The following CHSY3 variants were observed in gnomAD, a reference collection of about 807,000 sequenced individuals.
CHSY3 encodes chondroitin sulfate synthase 3.
Under a neutral mutation model 67.2 loss-of-function variants are expected in CHSY3, and 35 were observed. The observed-to-expected ratio is 0.52, with a 90% CI of 0.40 to 0.69. CHSY3 has a LOEUF of 0.69. CHSY3 is among the 30% of genes least tolerant of loss of function. CHSY3 has a pLI of 0.00. For missense variants in CHSY3, 1,069 were observed against 1,138.5 expected, an observed-to-expected ratio of 0.94 and a Z score of 0.88; for synonymous variants, 474 against 434.7, an observed-to-expected ratio of 1.09 and a Z score of -1.12.
At chr5:129,980,658 G>C (rs561891375) in intron 2 of CHSY3, among the ~76,000 whole-genome samples, 1 of 152,164 alleles carries the variant, frequency 6.6e-6, no homozygotes, top group African/African-American at 2.4e-5. Flanking sequence ...TTTATTGATT[G>C]TGTCTCTACT....
intron 2 of CHSY3, among the ~76,000 whole-genome samples, chr5:129,910,675 T>C (rs1259081191): frequency 6.6e-6 from 1 of 152,036 alleles, no homozygotes; most frequent in African/African-American, 2.4e-5. Context: ...CCTAAGTACG[T>C]AACTTGGGGC....
chr5:130,133,352 C>T (rs377618789), intron 2 of CHSY3, among the ~76,000 whole-genome samples: 5 of 152,202 alleles, frequency 3.3e-5, no homozygotes, highest in African/African-American at 4.8e-5. Flanking sequence ...TCATGACTAC[C>T]GGGTAGCCAT....
Position 129,990,377 on chromosome 5 carries a change from A to AGTGTGTGTGT in CHSY3, c.1086+82036_1086+82045dup, listed in dbSNP as rs34958818. ...GGGGCTGAAGTGGTGTGAGTGAGTG[A>AGTGTGTGTGT]GTGTGTGTGTGTGTGTGTGTGTGTG... On this transcript the variant is annotated intron_variant, in intron 2 of 2. Coordinates refer to ENST00000305031, the MANE Select transcript of CHSY3 (RefSeq NM_175856.5). 2.9e-3 allele frequency among the ~76,000 whole-genome samples: 428 copies of AGTGTGTGTGT among 147,570 alleles called. 1 individual carries two copies. The highest frequency in any genetic ancestry group is 9.8e-3 in the African/African-American group (394 of 40,040).
intron 2 of CHSY3, among the ~76,000 whole-genome samples, chr5:130,172,325 C>CTTTTCT (rs776751634): frequency 3.3e-5 from 1 of 30,206 alleles, no homozygotes; most frequent in African/African-American, 5.6e-5. Context: ...CTTTTCTTTT[C>CTTTTCT]TTTTTTTTTT....
At chr5:129,966,080 T>G (rs1762460953) in intron 2 of CHSY3, among the ~76,000 whole-genome samples, 1 of 151,880 alleles carries the variant, frequency 6.6e-6, no homozygotes, top group Admixed American at 6.6e-5. Flanking sequence ...ATAGTCTGTA[T>G]TTGTATTATA....
intron 2 of CHSY3, among the ~76,000 whole-genome samples, chr5:130,146,298 C>T (rs1769072300): frequency 6.6e-6 from 1 of 152,008 alleles, no homozygotes; most frequent in African/African-American, 2.4e-5. Flanking sequence ...TTCATTTTGC[C>T]AGGTGATGGT....
intron 2 of CHSY3, among the ~76,000 whole-genome samples, chr5:130,129,281 G>T (rs151333840): frequency 3.9e-5 from 6 of 152,122 alleles, no homozygotes; most frequent in Non-Finnish European, 8.8e-5. Flanking sequence ...ATGTGGAATT[G>T]CTCTAAAAGG....
chr5:130,128,256 G>A (rs1025710509), intron 2 of CHSY3, among the ~76,000 whole-genome samples: 3 of 151,438 alleles, frequency 2.0e-5, no homozygotes, highest in African/African-American at 2.4e-5. Flanking sequence ...GTGTGTGTGC[G>A]CTCACATGCT....
Position 129,904,654 on chromosome 5 carries a change from G to A in CHSY3, c.-176G>A. 1 of 1,042,120 alleles carries A rather than the reference G, an allele frequency of 9.6e-7. No homozygotes were observed. Among genetic ancestry groups the A allele is most frequent in the Non-Finnish European group, 1.2e-6 (1 of 823,816 alleles). 64.6% of individuals were successfully genotyped at this position (1,042,120 alleles called of 1,614,324 possible). On this transcript the variant is annotated 5_prime_UTR_variant, in exon 1 of 3. Coordinates refer to ENST00000305031, the MANE Select transcript of CHSY3 (RefSeq NM_175856.5). ...AGCGGGAGCCCGGCAGGCAGCTGCA[G>A]CCCGCGGCAGTCGAGGCGTCCGCGG... is the stretch of plus-strand genomic sequence containing the variant.
intron 2 of CHSY3, among the ~76,000 whole-genome samples, chr5:129,913,435 T>G (rs1760633896): frequency 6.6e-6 from 1 of 152,228 alleles, no homozygotes; most frequent in Admixed American, 6.5e-5. Flanking sequence ...TAAAATTGTA[T>G]ATCATATAAC....
At chr5:129,953,696 A>C (rs1408630865) in intron 2 of CHSY3, among the ~76,000 whole-genome samples, 1 of 152,060 alleles carries the variant, frequency 6.6e-6, no homozygotes, top group Non-Finnish European at 1.5e-5. Flanking sequence ...ATGGTACCTC[A>C]TTGTGGTTTT....
At chr5:130,136,108 AATCCAGAAGAGGTT>A (rs1037555358) in intron 2 of CHSY3, among the ~76,000 whole-genome samples, 2 of 152,206 alleles carry the variant, frequency 1.3e-5, no homozygotes, top group African/African-American at 4.8e-5. Flanking sequence ...ATACAGTGGA[AATCCAGAAGAGGTT>A]ATCTACCATA....
chr5:130,162,057 A>AAAAAAAAAAG (rs1554087189), intron 2 of CHSY3, among the ~76,000 whole-genome samples: 10 of 122,978 alleles, frequency 8.1e-5, no homozygotes, highest in Non-Finnish European at 1.2e-4. Flanking sequence ...AAAAAAAAAA[A>AAAAAAAAAAG]AAAGAAAGAA....
intron 2 of CHSY3, among the ~76,000 whole-genome samples, chr5:130,019,728 A>G (rs532496570): frequency 6.6e-6 from 1 of 152,364 alleles, no homozygotes; most frequent in East Asian, 1.9e-4. Context: ...AGAAAATTTT[A>G]TAAATTTCTT....
intron 2 of CHSY3, among the ~76,000 whole-genome samples, chr5:130,082,543 AAG>A (rs1264973637): frequency 2.0e-5 from 3 of 152,038 alleles, no homozygotes; most frequent in Admixed American, 6.6e-5. Context: ...ATATTATTGC[AAG>A]AGTTTATCTG....
chr5:130,078,755 T>C (rs1766352579), intron 2 of CHSY3, among the ~76,000 whole-genome samples: 1 of 152,144 alleles, frequency 6.6e-6, no homozygotes, highest in Admixed American at 6.6e-5. Context: ...CCTTATTCTT[T>C]TGCTCAGTGC....
At chr5:130,174,946 T>C (rs1770000261) in intron 2 of CHSY3, among the ~76,000 whole-genome samples, 1 of 152,098 alleles carries the variant, frequency 6.6e-6, no homozygotes, top group South Asian at 2.1e-4. Context: ...CAATGAGACA[T>C]ACATGGAAAA....
At chr5:130,032,422 C>A (rs966938487) in intron 2 of CHSY3, among the ~76,000 whole-genome samples, 1 of 152,106 alleles carries the variant, frequency 6.6e-6, no homozygotes, top group Non-Finnish European at 1.5e-5. Context: ...GGCAGAGACA[C>A]ATTATAAAGG....
intron 2 of CHSY3, among the ~76,000 whole-genome samples, chr5:130,033,012 G>A (rs998257704): frequency 2.6e-5 from 4 of 152,162 alleles, no homozygotes; most frequent in African/African-American, 9.7e-5. Flanking sequence ...GCCACTCTGA[G>A]AAGACTGTGC....
Sources: allele counts gnomAD v4.1 joint callset (sites outside exome capture counted in the v4.1 genomes callset), GRCh38; gene constraint gnomAD v4.1.1; transcripts MANE v1.5; gene names NCBI Gene and HGNC (gene_info 2026-07-23, HGNC 2026-07-21).